Variants in CCDC141 observed in about 807,000 individuals in gnomAD.
The protein encoded by CCDC141 is coiled-coil domain-containing protein 141.
Under a neutral mutation model 181.0 loss-of-function variants are expected in CCDC141, and 168 were observed. The observed-to-expected ratio is 0.93, with a 90% CI of 0.82 to 1.05. The LOEUF (loss-of-function observed/expected upper bound fraction) is 1.05, where lower values mean the gene tolerates loss of function less well. Ranked by LOEUF, CCDC141 falls within the 50% of genes least tolerant of loss-of-function variation. The pLI is 0.00. For synonymous variants in CCDC141, 666 were observed against 642.3 expected (o/e 1.04, Z -0.56); for missense variants, 1,902 against 1,788.5 (o/e 1.06, Z -1.14).
chr2:178,991,020 G>T (rs985883536), intron 2 of CCDC141, among the ~76,000 whole-genome samples: 8 of 152,146 alleles, frequency 5.3e-5, no homozygotes, highest in African/African-American at 1.7e-4. Context: ...CTGCAAGTCT[G>T]CAAGCTGAAA....
At chr2:178,882,788 A>T (rs1369554489) in intron 11 of CCDC141, among the ~76,000 whole-genome samples, 1 of 152,098 alleles carries the variant, frequency 6.6e-6, no homozygotes, top group African/African-American at 2.4e-5. Context: ...GAAGCTTGGA[A>T]GGAAAGGCTG....
At position 178,845,851 on chromosome 2, in the gene CCDC141, T is replaced by C. The variant is rs146767730; in HGVS notation, c.3358-109A>G. The C allele has an allele frequency of 1.8e-4, 132 of 732,592 alleles. 1 individual carries two copies. In the African/African-American group the frequency reaches 2.1e-3, roughly 12 times the overall value. 45.4% of individuals were successfully genotyped at this position (732,592 alleles called of 1,614,324 possible). On this transcript the variant is annotated intron_variant, in intron 21 of 23. Coordinates refer to ENST00000443758, the MANE Select transcript of CCDC141 (RefSeq NM_173648.4). ...AGACCACTTGCAACCTTTCAGCAAA[T>C]ATATTCCACAAGAGACTGGTGTACT...
At chr2:178,819,785 A>C in the CCDC141 span, among the ~76,000 whole-genome samples, 1 of 152,156 alleles carries the variant, frequency 6.6e-6, no homozygotes, top group Non-Finnish European at 1.5e-5. Context: ...ATCAAGGTTG[A>C]AAAATCCTGC....
intron 11 of CCDC141, among the ~76,000 whole-genome samples, chr2:178,882,540 TCAA>T (rs1686673849): frequency 6.6e-6 from 1 of 152,120 alleles, no homozygotes; most frequent in African/African-American, 2.4e-5. Context: ...GGTGAATATG[TCAA>T]CAAGTTTGGA....
chr2:178,865,302 C>G (rs1017883089), intron 17 of CCDC141, among the ~76,000 whole-genome samples: 3 of 152,160 alleles, frequency 2.0e-5, no homozygotes, highest in African/African-American at 7.2e-5. Context: ...TGCTCCCTGG[C>G]CCCTGGCACC....
At chr2:178,911,841 C>T (rs796589139) in intron 7 of CCDC141, among the ~76,000 whole-genome samples, 7 of 152,302 alleles carry the variant, frequency 4.6e-5, no homozygotes, top group African/African-American at 1.7e-4. Context: ...CTGGAGATGT[C>T]TCAGAGGAGG....
chr2:178,919,197 A>C (rs886977786), intron 6 of CCDC141, among the ~76,000 whole-genome samples: 1 of 152,222 alleles, frequency 6.6e-6, no homozygotes, highest in Non-Finnish European at 1.5e-5. Context: ...CAGGACAATG[A>C]GACATAAATA....
chr2:178,857,474 G>T lies in CCDC141; in HGVS notation c.2725-1077C>A, dbSNP rs1030911884. 5.3e-5 allele frequency among the ~76,000 whole-genome samples: 8 copies of T among 152,148 alleles called. No individual in the cohort carries two copies. The South Asian group carries it at 8.3e-4, about 16-fold the overall frequency. Reference sequence around the variant, plus strand: ...GCTAATGACGGCTATGCTAACTTGTGTATAAATAAAGCATATAGCTATACA... The same window carrying T: ...GCTAATGACGGCTATGCTAACTTGTTTATAAATAAAGCATATAGCTATACA... On this transcript the variant is annotated intron_variant, in intron 17 of 23. Coordinates refer to ENST00000443758, the MANE Select transcript of CCDC141 (RefSeq NM_173648.4).
At chr2:178,828,808 G>A (rs1575104869), downstream of CCDC141, among the ~76,000 whole-genome samples, 2 of 152,122 alleles carry the variant, frequency 1.3e-5, no homozygotes, top group African/African-American at 4.8e-5. Context: ...CATGGATAAA[G>A]TAGGTCCCTT....
At chr2:178,989,597 AAAAAAAAAAAATAAATAAAT>A (rs1201295965) in intron 2 of CCDC141, among the ~76,000 whole-genome samples, 2 of 41,426 alleles carry the variant, frequency 4.8e-5, no homozygotes, top group Non-Finnish European at 1.4e-4. Context: ...CTGCCTCAAA[AAAAAAAAAAAATAAATAAAT>A]AAATAAATAA....
intron 7 of CCDC141, among the ~76,000 whole-genome samples, chr2:178,908,391 A>G (rs1688075690): frequency 6.6e-6 from 1 of 152,064 alleles, no homozygotes; most frequent in Non-Finnish European, 1.5e-5. Context: ...GATGGGTTTC[A>G]TCATGTTGGC....
At chr2:178,997,261 T>G (rs1416788328) in intron 2 of CCDC141, among the ~76,000 whole-genome samples, 1 of 152,178 alleles carries the variant, frequency 6.6e-6, no homozygotes, top group Non-Finnish European at 1.5e-5. Context: ...TGCCACATCA[T>G]CCTGTGGGCC....
At chr2:179,014,470 CAAAGT>C (rs1271853122) in intron 2 of CCDC141, among the ~76,000 whole-genome samples, 6 of 152,070 alleles carry the variant, frequency 3.9e-5, no homozygotes, top group African/African-American at 1.4e-4. Context: ...GAACAGTCAG[CAAAGT>C]AAACAGACAA....
intron 8 of CCDC141, among the ~76,000 whole-genome samples, chr2:178,893,113 A>T (rs762723900): frequency 6.6e-6 from 1 of 152,188 alleles, no homozygotes; most frequent in Non-Finnish European, 1.5e-5. Flanking sequence ...CAAGCATCAC[A>T]GACTGTGAAA....
chr2:178,960,533 G>C (rs1003299846), intron 5 of CCDC141, among the ~76,000 whole-genome samples: 1 of 152,158 alleles, frequency 6.6e-6, no homozygotes, highest in Non-Finnish European at 1.5e-5. Context: ...ATGGAATTAA[G>C]ACAATCAGAA....
rs562322771 is a variant in CCDC141 at position 179,001,318 on chromosome 2, T to C, written c.226-22643A>G. On this transcript the variant is annotated intron_variant, in intron 2 of 23. Transcript: ENST00000443758. Reference sequence around the variant, plus strand: ...AAGCACAATTTGAGAAACAGCTTAATAGAGGAAACGAAGAAAGGAGTGTAG... The same window carrying C: ...AAGCACAATTTGAGAAACAGCTTAACAGAGGAAACGAAGAAAGGAGTGTAG... Among the ~76,000 whole-genome samples the C allele has an allele frequency of 5.8e-4, 89 of 152,288 alleles. 2 individuals are homozygous for C. The South Asian group carries it at 7.9e-3, about 13-fold the overall frequency.
intron 3 of CCDC141, among the ~76,000 whole-genome samples, chr2:178,975,856 T>C (rs1299485429): frequency 1.3e-5 from 2 of 152,170 alleles, no homozygotes; most frequent in Non-Finnish European, 2.9e-5. Flanking sequence ...AAATCTATAA[T>C]TTGTAATTCT....
chr2:179,008,651 AC>A (rs1559043998), intron 2 of CCDC141, among the ~76,000 whole-genome samples: 1 of 152,180 alleles, frequency 6.6e-6, no homozygotes, highest in Non-Finnish European at 1.5e-5. Context: ...GTAACATACA[AC>A]CACGTTTTGG....
intron 2 of CCDC141, among the ~76,000 whole-genome samples, chr2:178,980,077 A>G (rs1363285452): frequency 6.6e-6 from 1 of 152,230 alleles, no homozygotes; most frequent in Non-Finnish European, 1.5e-5. Context: ...TTAAAATATT[A>G]GAACTGATTT....
Sources: allele counts gnomAD v4.1 joint callset (sites outside exome capture counted in the v4.1 genomes callset), GRCh38; gene constraint gnomAD v4.1.1; transcripts MANE v1.5; gene names NCBI Gene and HGNC (gene_info 2026-07-23, HGNC 2026-07-21).